NOX4: variants seen among roughly 807,000 people sequenced by gnomAD.
NOX4 encodes the protein NADPH oxidase 4.
Under a neutral mutation model 87.6 loss-of-function variants are expected in NOX4, and 69 were observed. The observed-to-expected ratio is 0.79, with a 90% CI of 0.65 to 0.96. The LOEUF is 0.96. Among genes scored for constraint, NOX4 ranks in the 40% least tolerant of loss-of-function variants. The pLI is 0.00. For missense variants in NOX4, 680 were observed against 681.5 expected, an observed-to-expected ratio of 1.00 and a Z score of 0.02; for synonymous variants, 275 against 238.2, an observed-to-expected ratio of 1.15 and a Z score of -1.42.
chr11:89,529,086 A>C, the NOX4 span, among the ~76,000 whole-genome samples: 1 of 152,166 alleles, frequency 6.6e-6, no homozygotes, highest in Non-Finnish European at 1.5e-5. Context: ...GAATTAAAAA[A>C]AAAGACGAGG....
chr11:89,401,309 G>T (rs1941841242), intron 9 of NOX4, among the ~76,000 whole-genome samples: 1 of 152,170 alleles, frequency 6.6e-6, no homozygotes, highest in Non-Finnish European at 1.5e-5. Context: ...CTTACTCTTT[G>T]AGTGTCAGGT....
intron 17 of NOX4, among the ~76,000 whole-genome samples, chr11:89,334,815 A>C (rs577983159): frequency 6.6e-6 from 1 of 151,812 alleles, no homozygotes; most frequent in Non-Finnish European, 1.5e-5. Context: ...TTTTTGCAGA[A>C]GTATGATTAG....
intron 11 of NOX4, among the ~76,000 whole-genome samples, chr11:89,380,545 T>C (rs1253957725): frequency 7.2e-5 from 11 of 152,180 alleles, no homozygotes; most frequent in African/African-American, 2.4e-4. Context: ...CATTTCCTTT[T>C]GGTACTTAGG....
intron 6 of NOX4, among the ~76,000 whole-genome samples, chr11:89,440,225 T>C (rs142778223): frequency 9.5e-4 from 145 of 152,354 alleles, no homozygotes; most frequent in African/African-American, 2.6e-3. Flanking sequence ...TAACTCCAAA[T>C]ATTTATTCTT....
rs753512030 is a variant in NOX4 at position 89,490,512 on chromosome 11, G to A, written c.99C>T (p.Thr33=). The change falls in exon 2 of 18, where the codon ACC becomes ACT. Residue 33 remains threonine (T), a synonymous_variant. Transcript: ENST00000263317. ...LSMNVLLFWK[T]FLLYNQGPEY... is the part of the protein sequence containing the mutation. ...CTGGCCCTTGGTTATACAGCAAGAAGGTTTTCCAGAAAAGCAGGACATTCA... is the reference window on the plus strand; with the variant it reads ...CTGGCCCTTGGTTATACAGCAAGAAAGTTTTCCAGAAAAGCAGGACATTCA... 4 of 1,614,076 alleles carry A rather than the reference G, an allele frequency of 2.5e-6. No individual in the cohort carries two copies. The South Asian group carries it at 4.4e-5, about 18-fold the overall frequency.
At chr11:89,508,858 C>T in the NOX4 span, among the ~76,000 whole-genome samples, 5 of 151,990 alleles carry the variant, frequency 3.3e-5, no homozygotes, top group South Asian at 2.1e-4. Context: ...AACAAAGTGA[C>T]GGAGTTGTTA....
chr11:89,556,427 G>A, the NOX4 span, among the ~76,000 whole-genome samples: 2 of 151,996 alleles, frequency 1.3e-5, no homozygotes, highest in Non-Finnish European at 2.9e-5. Context: ...GGAGGCTTAG[G>A]CAGGAGAATG....
At position 89,398,888 on chromosome 11, in the gene NOX4, A is replaced by G. The variant is rs545130819; in HGVS notation, c.1074+1129T>C. On this transcript the variant is annotated intron_variant, in intron 11 of 17. Coordinates refer to ENST00000263317, the MANE Select transcript of NOX4 (RefSeq NM_016931.5). The stretch of plus-strand genomic sequence containing the variant: ...GAATGAGGCACATACAGTAATATGG[A>G]AAGATGTCCATCACATGTAGTTGAG... 4.6e-5 allele frequency among the ~76,000 whole-genome samples: 7 copies of G among 152,038 alleles called. No individual in the cohort carries two copies. The East Asian group carries it at 9.8e-4, about 21-fold the overall frequency.
intron 11 of NOX4, among the ~76,000 whole-genome samples, chr11:89,399,435 ATATATAT>A (rs1941688326): frequency 3.1e-5 from 2 of 64,170 alleles, no homozygotes; most frequent in African/African-American, 1.5e-4. Context: ...GAAATTAAAT[ATATATAT>A]ATATATATAT....
At chr11:89,526,479 G>C in the NOX4 span, among the ~76,000 whole-genome samples, 1 of 152,098 alleles carries the variant, frequency 6.6e-6, no homozygotes, top group South Asian at 2.1e-4. Flanking sequence ...CTACGATATG[G>C]TTAGGCTTTC....
intron 2 of NOX4, among the ~76,000 whole-genome samples, chr11:89,486,321 T>G (rs909360750): frequency 1.6e-5 from 2 of 128,734 alleles, no homozygotes; most frequent in African/African-American, 5.1e-5. Context: ...ATTTATTTAT[T>G]TAGCTGTGTC....
intron 8 of NOX4, among the ~76,000 whole-genome samples, chr11:89,405,879 G>A (rs989125658): frequency 6.6e-6 from 1 of 151,926 alleles, no homozygotes; most frequent in African/African-American, 2.4e-5. Flanking sequence ...TGATTCCAAA[G>A]TCTGTGCTCC....
At chr11:89,362,173 G>GACACACACACACACACACACACACAC (rs148208109) in intron 12 of NOX4, among the ~76,000 whole-genome samples, 2 of 146,920 alleles carry the variant, frequency 1.4e-5, no homozygotes, top group African/African-American at 5.0e-5. Context: ...CACAGACACA[G>GACACACACACACACACACACACACAC]ACACACACAC....
At chr11:89,551,764 T>G in the NOX4 span, among the ~76,000 whole-genome samples, 1 of 152,088 alleles carries the variant, frequency 6.6e-6, no homozygotes, top group African/African-American at 2.4e-5. Flanking sequence ...TTTCCTCTCT[T>G]CCTGTTTGAA....
chr11:89,355,932 T>C (rs1050133341), intron 12 of NOX4, among the ~76,000 whole-genome samples: 6 of 152,084 alleles, frequency 3.9e-5, no homozygotes, highest in Non-Finnish European at 8.8e-5. Context: ...AGAATGGACA[T>C]TTGTGCTTAT....
the NOX4 span, among the ~76,000 whole-genome samples, chr11:89,562,053 G>A: frequency 3.3e-5 from 5 of 152,148 alleles, no homozygotes; most frequent in African/African-American, 1.2e-4. Flanking sequence ...TAGGGTAAGT[G>A]TTACTGAGAT....
At chr11:89,433,848 G>A (rs1006845589) in intron 6 of NOX4, among the ~76,000 whole-genome samples, 1 of 151,976 alleles carries the variant, frequency 6.6e-6, no homozygotes, top group East Asian at 1.9e-4. Flanking sequence ...CATATAGCAT[G>A]TCCAAAATGA....
intron 12 of NOX4, among the ~76,000 whole-genome samples, chr11:89,369,724 C>T (rs1479253695): frequency 1.4e-5 from 2 of 140,094 alleles, no homozygotes; most frequent in African/African-American, 5.4e-5. Context: ...TCCATATATC[C>T]AAATATGATT....
At chr11:89,527,614 C>T in the NOX4 span, among the ~76,000 whole-genome samples, 1 of 152,192 alleles carries the variant, frequency 6.6e-6, no homozygotes, top group Non-Finnish European at 1.5e-5. Context: ...ATAGCTCAGG[C>T]TGTTGCTTCA....
Sources: gnomAD v4.1 joint callset for allele counts (sites outside exome capture counted in the v4.1 genomes callset) on GRCh38, gnomAD v4.1.1 for gene constraint, MANE v1.5 for transcripts, NCBI Gene and HGNC (gene_info 2026-07-23, HGNC 2026-07-21) for gene names.